AKR1A1: variants seen among roughly 807,000 people sequenced by gnomAD.
The protein encoded by AKR1A1 is HEL-S-165mP.
AKR1A1 carries 26 observed loss-of-function variants against 39.2 expected under a neutral mutation model. The observed-to-expected ratio is 0.66, with a 90% CI of 0.49 to 0.92. The LOEUF is 0.92. Ranked by LOEUF, AKR1A1 falls within the 40% of genes least tolerant of loss-of-function variation. The pLI is 0.00. For missense variants in AKR1A1, 378 were observed against 406.5 expected, an observed-to-expected ratio of 0.93 and a Z score of 0.60; for synonymous variants, 141 against 155.5, an observed-to-expected ratio of 0.91 and a Z score of 0.69.
At chr1:45,559,444 A>G (rs1644248994) in intron 1 of AKR1A1, among the ~76,000 whole-genome samples, 2 of 152,082 alleles carry the variant, frequency 1.3e-5, no homozygotes, top group African/African-American at 4.8e-5. Flanking sequence ...TCCTGGAAAG[A>G]GTTCTTCCCC....
chr1:45,569,345 T>C, intron 8 of AKR1A1, 116 bp downstream of exon 8: 1 of 847,188 alleles, frequency 1.2e-6, no homozygotes, highest in Admixed American at 2.0e-5. Context: ...GTGGGTGGGA[T>C]TGCTATGCTG....
At chr1:45,565,248 A>G (rs544908420) in intron 2 of AKR1A1, among the ~76,000 whole-genome samples, 2 of 147,244 alleles carry the variant, frequency 1.4e-5, no homozygotes, top group East Asian at 4.0e-4. Flanking sequence ...CTCCTGCCTC[A>G]GCCTCCCAAG....
At chr1:45,561,234 A>G (rs1167423134) in intron 1 of AKR1A1, among the ~76,000 whole-genome samples, 1 of 152,152 alleles carries the variant, frequency 6.6e-6, no homozygotes, top group Non-Finnish European at 1.5e-5. Flanking sequence ...GTTCTTTAAC[A>G]GAGATCTTTA....
At chr1:45,559,338 G>C (rs552234253) in intron 1 of AKR1A1, among the ~76,000 whole-genome samples, 1 of 152,164 alleles carries the variant, frequency 6.6e-6, no homozygotes, top group Non-Finnish European at 1.5e-5. Flanking sequence ...TCCAGAGGGG[G>C]AGGCTCCAGT....
chr1:45,551,213 T>C (rs1468150780), intron 1 of AKR1A1, 58 bp downstream of exon 1: 2 of 152,360 alleles, frequency 1.3e-5, no homozygotes, highest in Non-Finnish European at 2.9e-5. Context: ...CTCGATTCTT[T>C]ACTACTGAAA....
intron 1 of AKR1A1, among the ~76,000 whole-genome samples, chr1:45,553,073 C>T (rs534541863): frequency 1.3e-5 from 2 of 150,238 alleles, no homozygotes; most frequent in Non-Finnish European, 3.0e-5. Flanking sequence ...TGCAGTGAGC[C>T]GAGATCATGC....
At chr1:45,560,049 G>A (rs903143806) in intron 1 of AKR1A1, among the ~76,000 whole-genome samples, 2 of 141,680 alleles carry the variant, frequency 1.4e-5, no homozygotes, top group Non-Finnish European at 1.5e-5. Flanking sequence ...GTGCAGTGGC[G>A]CAATCTTGGC....
chr1:45,568,328 G>A, intron 5 of AKR1A1, 151 bp downstream of exon 5: 1 of 1,260,292 alleles, frequency 7.9e-7, no homozygotes, highest in Non-Finnish European at 1.1e-6. Flanking sequence ...TGAAGCAGTG[G>A]GAGAGAATGA....
chr1:45,565,508 G>T, intron 2 of AKR1A1, among the ~76,000 whole-genome samples: 1 of 150,814 alleles, frequency 6.6e-6, no homozygotes, highest in East Asian at 2.0e-4. Context: ...GTCTCACTCT[G>T]TCTCGCCCAG....
At chr1:45,569,275 G>C (rs1201774598) in intron 8 of AKR1A1, 46 bp downstream of exon 8, 2 of 1,544,806 alleles carry the variant, frequency 1.3e-6, no homozygotes, top group East Asian at 4.5e-5. Context: ...TGAGATTTGG[G>C]GTGGGATTCT....
At chr1:45,568,714 G>C (rs1427715763) in intron 6 of AKR1A1, 30 bp downstream of exon 6, 1 of 1,611,346 alleles carries the variant, frequency 6.2e-7, no homozygotes. Context: ...AGAGGGCCCT[G>C]GGTTGGGAGG....
In AKR1A1 at chr1:45,567,969, GTC is replaced by G. The variant is rs1557636995; in HGVS notation, c.357-8_357-7del. 6.2e-7 allele frequency: 1 copy of G among 1,602,686 alleles called. No individual in the cohort carries two copies. The highest frequency in any genetic ancestry group is 8.5e-7 in the Non-Finnish European group (1 of 1,172,800). Reference sequence around the variant, plus strand: ...ATTTGTGTCCACACTTGGTGGGGCTGTCTCTCACTCAGGCGGGGAGACAACCC... The same window carrying G: ...ATTTGTGTCCACACTTGGTGGGGCTGTCTCACTCAGGCGGGGAGACAACCC... On this transcript the variant is annotated splice_polypyrimidine_tract_variant and intron_variant, in intron 4 of 8. Coordinates refer to ENST00000351829, the MANE Select transcript of AKR1A1 (RefSeq NM_153326.3).
chr1:45,563,680 T>G (rs1006434281), intron 2 of AKR1A1, among the ~76,000 whole-genome samples: 1 of 152,070 alleles, frequency 6.6e-6, no homozygotes, highest in Non-Finnish European at 1.5e-5. Flanking sequence ...TCCCAGCTAC[T>G]CAGGAGTCTG....
intron 1 of AKR1A1, among the ~76,000 whole-genome samples, chr1:45,556,319 G>A (rs770566087): frequency 1.4e-4 from 22 of 151,900 alleles, no homozygotes; most frequent in African/African-American, 5.1e-4. Context: ...GCGGCGGCTC[G>A]CGCCTGTAAT....
chr1:45,554,634 A>G (rs1324108478), intron 1 of AKR1A1, among the ~76,000 whole-genome samples: 1 of 152,084 alleles, frequency 6.6e-6, no homozygotes, highest in Non-Finnish European at 1.5e-5. Context: ...TCAAAACCAT[A>G]ATCTGATAAT....
At chr1:45,566,030 G>A (rs1040962054) in intron 2 of AKR1A1, among the ~76,000 whole-genome samples, 1 of 152,140 alleles carries the variant, frequency 6.6e-6, no homozygotes, top group African/African-American at 2.4e-5. Flanking sequence ...ACTGGTTGGG[G>A]TGGGAGCAGA....
chr1:45,558,633 C>T (rs529797451), intron 1 of AKR1A1, among the ~76,000 whole-genome samples: 7 of 151,228 alleles, frequency 4.6e-5, no homozygotes, highest in East Asian at 2.0e-4. Flanking sequence ...CTCCTGACCT[C>T]GTGATCTGCC....
rs1557637297 is a variant in AKR1A1 at position 45,568,133 on chromosome 1, G to A, written c.508G>A (p.Asp170Asn). Reference sequence around the variant, plus strand: ...GTCCAACTTCAACAGTCGGCAGATTGATGACATACTCAGTGTGGCCTCCGT... The same window carrying A: ...GTCCAACTTCAACAGTCGGCAGATTAATGACATACTCAGTGTGGCCTCCGT... The part of the protein sequence containing the change: ...GLSNFNSRQI[D>N]DILSVASVRP... The change falls in exon 5 of 9, where the codon GAT becomes AAT. Residue 170 changes from aspartate (D) to asparagine (N), a missense_variant. Asp to Asn is a conservative substitution (Grantham distance 23). Coordinates refer to ENST00000351829, the MANE Select transcript of AKR1A1 (RefSeq NM_153326.3). 1 of 1,614,072 alleles carries A rather than the reference G, an allele frequency of 6.2e-7. No homozygotes were observed. Among genetic ancestry groups the A allele is most frequent in the Admixed American group, 1.7e-5 (1 of 59,990 alleles).
intron 2 of AKR1A1, among the ~76,000 whole-genome samples, 187 bp downstream of exon 2, chr1:45,562,065 G>C (rs1644284667): frequency 6.6e-6 from 1 of 152,052 alleles, no homozygotes; most frequent in Non-Finnish European, 1.5e-5. Context: ...AGCAGGGCTG[G>C]GGGCATAGGA....
Sources: allele counts gnomAD v4.1 joint callset (sites outside exome capture counted in the v4.1 genomes callset), GRCh38; gene constraint gnomAD v4.1.1; transcripts MANE v1.5; gene names NCBI Gene and HGNC (gene_info 2026-07-23, HGNC 2026-07-21).